Variants in POLA2 observed in about 807,000 individuals in gnomAD.
POLA2 encodes DNA polymerase alpha subunit B.
In POLA2, 47 loss-of-function variants were observed where a neutral mutation model predicts 82.8. The observed-to-expected ratio is 0.57, with a 90% CI of 0.45 to 0.72. POLA2 has a LOEUF of 0.72. POLA2 is among the 30% of genes least tolerant of loss of function. The pLI is 0.00. For missense variants in POLA2, 634 were observed against 728.1 expected (o/e 0.87, Z 1.49); for synonymous variants, 287 against 286.8 (o/e 1.00, Z -0.01).
At chr11:65,289,767 C>T (rs374224237) in intron 12 of POLA2, 32 bp from the exon 13 acceptor site, 65 of 1,420,508 alleles carry the variant, frequency 4.6e-5, no homozygotes, top group Non-Finnish European at 5.7e-5. Flanking sequence ...AAACATCTGC[C>T]GTCTAAATCT....
At chr11:65,268,458 TCTC>T (rs1949486653) in intron 3 of POLA2, among the ~76,000 whole-genome samples, 1 of 151,614 alleles carries the variant, frequency 6.6e-6, no homozygotes. Context: ...TTCATGCCAT[TCTC>T]CTGCCTCAGC....
Position 65,279,529 on chromosome 11 carries a change from G to A in POLA2, c.656-9G>A. 1 of 1,585,142 alleles carries A rather than the reference G, an allele frequency of 6.3e-7. No individual in the cohort carries two copies. On this transcript the variant is annotated splice_polypyrimidine_tract_variant and intron_variant, in intron 6 of 17. Transcript: ENST00000265465. ...AACATAATACTTTTTTCCACTTCTGGGATTGTAGTTCTGACCTGTAAGATA... is the reference window on the plus strand; with the variant it reads ...AACATAATACTTTTTTCCACTTCTGAGATTGTAGTTCTGACCTGTAAGATA...
At chr11:65,286,031 C>T (rs1365535033) in intron 10 of POLA2, among the ~76,000 whole-genome samples, 1 of 152,114 alleles carries the variant, frequency 6.6e-6, no homozygotes, top group African/African-American at 2.4e-5. Context: ...AGACTTTGCC[C>T]GTGTGATTAA....
chr11:65,267,494 A>G lies in POLA2; in HGVS notation c.222A>G (p.Leu74=), dbSNP rs1332404074. 1.2e-6 allele frequency: 2 copies of G among 1,610,546 alleles called. No homozygotes were observed. The highest frequency in any genetic ancestry group is 1.3e-5 in the African/African-American group (1 of 74,786). Residue 74 remains leucine, a synonymous_variant, in exon 3 of 18, where the codon TTA becomes TTG. Coordinates refer to ENST00000265465, the MANE Select transcript of POLA2 (RefSeq NM_002689.4). The part of the protein sequence containing the change: ...SFEHEFLSKR[L]SKARHSTCKD... ...TTTTTCAGTTTCTGAGCAAAAGATT[A>G]TCGAAAGCCAGGCATAGTACCTGCA...
chr11:65,300,007 A>C (rs1005461609), downstream of POLA2, among the ~76,000 whole-genome samples: 1 of 152,038 alleles, frequency 6.6e-6, no homozygotes, highest in Non-Finnish European at 1.5e-5. Flanking sequence ...TGTATGATTC[A>C]GTGGTTTTTA....
chr11:65,279,083 C>T (rs1054364548), intron 6 of POLA2, among the ~76,000 whole-genome samples, 160 bp downstream of exon 6: 32 of 152,300 alleles, frequency 2.1e-4, no homozygotes, highest in Non-Finnish European at 4.1e-4. Context: ...TGGAGGGACA[C>T]GGGCAATACT....
intron 16 of POLA2, 127 bp from the exon 17 acceptor site, chr11:65,295,737 C>T: frequency 7.5e-7 from 1 of 1,329,698 alleles, no homozygotes; most frequent in Middle Eastern, 1.9e-4. Flanking sequence ...GCATTCTGCC[C>T]CACACACACA....
chr11:65,289,911 T>G, intron 13 of POLA2, 39 bp downstream of exon 13: 2 of 1,348,008 alleles, frequency 1.5e-6, no homozygotes, highest in Non-Finnish European at 2.1e-6. Context: ...TTAAGCTTCT[T>G]AGGTTTCTCC....
At chr11:65,292,084 C>T (rs1296037606) in intron 13 of POLA2, among the ~76,000 whole-genome samples, 3 of 152,130 alleles carry the variant, frequency 2.0e-5, no homozygotes, top group African/African-American at 7.2e-5. Flanking sequence ...ACTAAAAATA[C>T]AAAAATTAGC....
intron 4 of POLA2, among the ~76,000 whole-genome samples, chr11:65,275,201 G>C (rs1949563943): frequency 6.6e-6 from 1 of 152,120 alleles, no homozygotes; most frequent in Non-Finnish European, 1.5e-5. Flanking sequence ...AGGAGCCCTA[G>C]GGCAGGGAAA....
chr11:65,276,640 G>A (rs540626047), intron 5 of POLA2, among the ~76,000 whole-genome samples: 44 of 152,238 alleles, frequency 2.9e-4, no homozygotes, highest in African/African-American at 1.0e-3. Flanking sequence ...GCTCTGCTGA[G>A]TAGATGGGTT....
rs2099438469 is a variant in POLA2, at chr11:65,281,002, C to T, written c.755C>T (p.Thr252Ile). The change falls in exon 8 of 18, where the codon ACT becomes ATT. Residue 252 changes from threonine (T) to isoleucine (I), a missense_variant. Transcript: ENST00000265465. ...PLLAPAQEPV[T>I]LLGQIGCDSN... ...ACCTTCCTTTGGTAGGAGCCTGTCA[C>T]TCTGCTGGGCCAGATTGGCTGTGAT... is the stretch of plus-strand genomic sequence containing the variant. The T allele has an allele frequency of 1.2e-6, 2 of 1,613,778 alleles. No individual in the cohort carries two copies. Among genetic ancestry groups the T allele is most frequent in the Non-Finnish European group, 8.5e-7 (1 of 1,179,988 alleles).
At chr11:65,301,120 G>A (rs770240807), downstream of POLA2, among the ~76,000 whole-genome samples, 8 of 152,124 alleles carry the variant, frequency 5.3e-5, no homozygotes, top group Non-Finnish European at 8.8e-5. Context: ...GGAATGGGGA[G>A]GGGCTTTAGA....
intron 8 of POLA2, among the ~76,000 whole-genome samples, chr11:65,304,315 TCATC>T (rs1565500536): frequency 8.9e-6 from 1 of 112,138 alleles, no homozygotes; most frequent in Non-Finnish European, 1.8e-5. Flanking sequence ...ACCCACCCAC[TCATC>T]CATCCATCCA....
downstream of POLA2, among the ~76,000 whole-genome samples, chr11:65,299,497 G>A (rs745675362): frequency 1.3e-5 from 2 of 152,208 alleles, no homozygotes; most frequent in African/African-American, 2.4e-5. Flanking sequence ...AGAATGCAGC[G>A]AGGGAATTAG....
chr11:65,272,391 G>A (rs887801453), intron 4 of POLA2, among the ~76,000 whole-genome samples: 8 of 152,170 alleles, frequency 5.3e-5, no homozygotes, highest in African/African-American at 1.7e-4. Flanking sequence ...CAGGTCTTGG[G>A]AACAGGTGTC....
At chr11:65,291,470 G>A (rs1300193607) in intron 13 of POLA2, among the ~76,000 whole-genome samples, 1 of 152,174 alleles carries the variant, frequency 6.6e-6, no homozygotes, top group Admixed American at 6.5e-5. Context: ...TTCCTCCCCT[G>A]CCTCCCTCAG....
Position 65,266,108 on chromosome 11 carries a change from A to G in POLA2, c.80-474A>G, listed in dbSNP as rs1441602188. The stretch of plus-strand genomic sequence containing the variant: ...CCTGGTATCTCCTCTCTCTCCTCAG[A>G]GTAGTTCCTCTGGCTCTTTTCCCCA... On this transcript the variant is annotated intron_variant, in intron 1 of 17. Coordinates refer to ENST00000265465, the MANE Select transcript of POLA2 (RefSeq NM_002689.4). Among the ~76,000 whole-genome samples, 3 of 152,114 alleles carry G rather than the reference A, an allele frequency of 2.0e-5. No individual in the cohort carries two copies. In the East Asian group the frequency reaches 5.8e-4, roughly 29 times the overall value.
chr11:65,302,205 C>A (rs1229517179), downstream of POLA2, among the ~76,000 whole-genome samples: 1 of 152,234 alleles, frequency 6.6e-6, no homozygotes, highest in African/African-American at 2.4e-5. Flanking sequence ...CTGCTCACTC[C>A]CATCGCTCCC....
Sources: allele counts gnomAD v4.1 joint callset (sites outside exome capture counted in the v4.1 genomes callset), GRCh38; gene constraint gnomAD v4.1.1; transcripts MANE v1.5; gene names NCBI Gene and HGNC (gene_info 2026-07-23, HGNC 2026-07-21).